Variants in IPO7 observed in about 807,000 individuals in gnomAD.
IPO7 encodes the protein importin 7, also known as importin-7.
Under a neutral mutation model 136.4 loss-of-function variants are expected in IPO7, and 13 were observed. The observed-to-expected ratio is 0.10, with a 90% CI of 0.06 to 0.15. IPO7 has a LOEUF of 0.15. Among genes scored for constraint, IPO7 ranks in the 10% least tolerant of loss-of-function variants. The pLI is 1.00. For missense variants in IPO7, 857 were observed against 1,240.6 expected, an observed-to-expected ratio of 0.69 and a Z score of 4.65; for synonymous variants, 403 against 404.4, an observed-to-expected ratio of 1.00 and a Z score of 0.04.
chr11:9,388,394 C>G (rs775935799), intron 1 of IPO7, among the ~76,000 whole-genome samples: 1 of 151,832 alleles, frequency 6.6e-6, no homozygotes, highest in Non-Finnish European at 1.5e-5. Flanking sequence ...CCAGGCTGGT[C>G]TCCAACTCCT....
intron 1 of IPO7, among the ~76,000 whole-genome samples, chr11:9,395,719 A>C (rs1427875016): frequency 1.3e-5 from 2 of 151,914 alleles, no homozygotes; most frequent in African/African-American, 2.4e-5. Context: ...AAAGTTATAA[A>C]GTTATGCTTT....
intron 6 of IPO7, 153 bp from the exon 7 acceptor site, chr11:9,420,258 A>G: frequency 1.8e-6 from 1 of 549,136 alleles, no homozygotes; most frequent in South Asian, 2.6e-5. Flanking sequence ...CGGAGCTTGC[A>G]GTGAGCTGAG....
chr11:9,446,789 A>G lies in IPO7; in HGVS notation c.*1595A>G, dbSNP rs541000642. 2.0e-5 allele frequency: 3 copies of G among 152,330 alleles called. No individual in the cohort carries two copies. Among genetic ancestry groups the G allele is most frequent in the African/African-American group, 7.2e-5 (3 of 41,586 alleles). 9.4% of individuals were successfully genotyped at this position (152,330 alleles called of 1,614,324 possible). ...TGTTTTTCTTGTATACCAATAATTA[A>G]GCCACTACTGTTGGCACTGTTTGGT... On this transcript the variant is annotated 3_prime_UTR_variant, in exon 25 of 25. Coordinates refer to ENST00000379719, the MANE Select transcript of IPO7 (RefSeq NM_006391.3).
chr11:9,408,281 C>T (rs746809391), intron 2 of IPO7, among the ~76,000 whole-genome samples: 26 of 152,032 alleles, frequency 1.7e-4, no homozygotes, highest in Non-Finnish European at 3.8e-4. Flanking sequence ...CTGTGTGATT[C>T]GTAATAACTT....
At chr11:9,437,674 C>A in intron 20 of IPO7, 80 bp from the exon 21 acceptor site, 2 of 1,021,194 alleles carry the variant, frequency 2.0e-6, no homozygotes, top group South Asian at 1.5e-5. Context: ...TTAATTGAGG[C>A]AACAAAGAAG....
intron 2 of IPO7, among the ~76,000 whole-genome samples, chr11:9,408,220 TAAAAAA>T (rs34260285): frequency 6.6e-6 from 1 of 150,882 alleles, no homozygotes; most frequent in Admixed American, 6.6e-5. Flanking sequence ...GTTGTGACGT[TAAAAAA>T]AAACAGTTTT....
At chr11:9,425,533 C>G (rs541658939) in intron 12 of IPO7, among the ~76,000 whole-genome samples, 74 of 152,036 alleles carry the variant, frequency 4.9e-4, no homozygotes, top group African/African-American at 1.7e-3. Context: ...CTGAGGTCAG[C>G]AGTTGAAGAC....
intron 1 of IPO7, among the ~76,000 whole-genome samples, chr11:9,398,156 A>G (rs1854742043): frequency 6.6e-6 from 1 of 152,234 alleles, no homozygotes. Context: ...CACTGCCCCT[A>G]GGCAATCACA....
At chr11:9,417,493 A>G (rs1474071617) in intron 6 of IPO7, among the ~76,000 whole-genome samples, 1 of 152,108 alleles carries the variant, frequency 6.6e-6, no homozygotes, top group Non-Finnish European at 1.5e-5. Context: ...CCACGTACAG[A>G]GGAAGAGGAA....
intron 9 of IPO7, 61 bp downstream of exon 9, chr11:9,423,201 A>G: frequency 1.7e-6 from 2 of 1,152,786 alleles, no homozygotes; most frequent in East Asian, 2.5e-5. Flanking sequence ...ATCAATTGCC[A>G]TAAAGGTTGA....
At position 9,416,029 on chromosome 11, in the gene IPO7, A is replaced by G. The variant is rs116306404; in HGVS notation, c.637-1030A>G. Among the ~76,000 whole-genome samples the G allele has an allele frequency of 4.3e-3, 655 of 152,282 alleles. 2 individuals are homozygous for G. The highest frequency in any genetic ancestry group is 0.014 in the Middle Eastern group (4 of 294). On this transcript the variant is annotated intron_variant, in intron 5 of 24. Coordinates refer to ENST00000379719, the MANE Select transcript of IPO7 (RefSeq NM_006391.3). Reference sequence around the variant, plus strand: ...TCATACCATTACATTTAAAAATCTCATTTAAATAAATCAGAGCCAGGCACA... The same window carrying G: ...TCATACCATTACATTTAAAAATCTCGTTTAAATAAATCAGAGCCAGGCACA...
intron 3 of IPO7, 21 bp from the exon 4 acceptor site, chr11:9,409,907 C>T: frequency 6.7e-7 from 1 of 1,490,624 alleles, no homozygotes; most frequent in South Asian, 1.4e-5. Context: ...TTTTTCCTTA[C>T]TGTTTTTTTT....
At chr11:9,420,534 A>T in intron 7 of IPO7, 29 bp downstream of exon 7, 2 of 1,573,532 alleles carry the variant, frequency 1.3e-6, no homozygotes, top group Non-Finnish European at 1.7e-6. Context: ...GGTGATTTAA[A>T]TTAATTTATT....
chr11:9,399,989 C>T (rs1854769998), intron 1 of IPO7, among the ~76,000 whole-genome samples: 1 of 152,024 alleles, frequency 6.6e-6, no homozygotes, highest in African/African-American at 2.4e-5. Flanking sequence ...GTTCCAGGAC[C>T]CCCACGGATA....
chr11:9,441,792 G>A (rs996539370), intron 23 of IPO7, among the ~76,000 whole-genome samples: 8 of 152,130 alleles, frequency 5.3e-5, no homozygotes, highest in African/African-American at 1.9e-4. Flanking sequence ...AAGTCTCCCT[G>A]GTTTGTTACT....
chr11:9,428,584 T>C lies in IPO7; in HGVS notation c.1380T>C (p.His460=), dbSNP rs777942978. Residue 460 remains histidine, a synonymous_variant, in exon 13 of 25, where the codon CAT becomes CAC. Transcript: ENST00000379719. The stretch of plus-strand genomic sequence containing the variant: ...AGATGGAATACATGTTGCAGAATCA[T>C]GTATTCCCTCTCTTCAGCAGTGAAC... ...KDQMEYMLQN[H]VFPLFSSELG... The C allele has an allele frequency of 9.5e-6, 15 of 1,580,676 alleles. No homozygotes were observed. The highest frequency in any genetic ancestry group is 1.2e-5 in the Non-Finnish European group (14 of 1,153,618).
chr11:9,409,995 G>A lies in IPO7; in HGVS notation c.388G>A (p.Val130Met). The A allele has an allele frequency of 6.2e-7, 1 of 1,607,830 alleles. No homozygotes were observed. Among genetic ancestry groups the A allele is most frequent in the Non-Finnish European group, 8.5e-7 (1 of 1,177,398 alleles). ...HDYPSRWTAIVDKIGFYLQSD... is the reference protein window; with the variant it reads ...HDYPSRWTAIMDKIGFYLQSD... ...TTATCCAAGCCGCTGGACTGCCATT[G>A]TGGACAAAATTGGCTTTTATCTTCA... Residue 130 changes from valine to methionine, a missense_variant, in exon 4 of 25, where the codon GTG becomes ATG. Physicochemically the swap from Val to Met is conservative, Grantham distance 21. Transcript: ENST00000379719.
intron 3 of IPO7, among the ~76,000 whole-genome samples, chr11:9,409,482 G>A (rs1419508972): frequency 2.6e-5 from 4 of 151,792 alleles, no homozygotes; most frequent in East Asian, 3.9e-4. Flanking sequence ...CTTGTGGGCC[G>A]GGCACAGTGG....
chr11:9,429,603 C>T lies in IPO7; in HGVS notation c.1592-71C>T, dbSNP rs192773709. ...GAAAGTACTTTTTTAAAAAACTCAT[C>T]GATATTTGTTATATCAGGTTTTAAG... is the stretch of plus-strand genomic sequence containing the variant. On this transcript the variant is annotated intron_variant, in intron 14 of 24. Transcript: ENST00000379719. 23 of 1,241,012 alleles carry T rather than the reference C, an allele frequency of 1.9e-5. No homozygotes were observed. The East Asian group carries it at 5.0e-4, about 27-fold the overall frequency. 76.9% of individuals were successfully genotyped at this position (1,241,012 alleles called of 1,614,324 possible). A position where few individuals can be genotyped will look rare whatever the true frequency, so the allele number is the denominator to read the frequency against.
Sources: gnomAD v4.1 joint callset for allele counts (sites outside exome capture counted in the v4.1 genomes callset) on GRCh38, gnomAD v4.1.1 for gene constraint, MANE v1.5 for transcripts, NCBI Gene and HGNC (gene_info 2026-07-23, HGNC 2026-07-21) for gene names.